MACROD2: variants seen among roughly 807,000 people sequenced by gnomAD.
MACROD2 encodes mono-ADP ribosylhydrolase 2, also known as ADP-ribose glycohydrolase MACROD2.
A neutral mutation model predicts 70.4 loss-of-function variants in MACROD2; 36 were observed. The ratio of observed to expected loss-of-function variants is 0.51; its 90% confidence interval spans 0.39 to 0.68. The LOEUF is 0.68. Ranked by LOEUF, MACROD2 falls within the 30% of genes least tolerant of loss-of-function variation. MACROD2 has a pLI of 0.00. For synonymous variants in MACROD2, 172 were observed against 178.8 expected, an observed-to-expected ratio of 0.96 and a Z score of 0.30; for missense variants, 496 against 538.4, an observed-to-expected ratio of 0.92 and a Z score of 0.78.
At chr20:13,997,406 T>C (rs910617729) in intron 1 of MACROD2, among the ~76,000 whole-genome samples, 2 of 152,212 alleles carry the variant, frequency 1.3e-5, no homozygotes, top group Non-Finnish European at 2.9e-5. Flanking sequence ...AAATGTTCGC[T>C]TTGTATAATT....
chr20:15,659,778 A>T (rs1007839803), intron 8 of MACROD2, among the ~76,000 whole-genome samples: 1 of 152,140 alleles, frequency 6.6e-6, no homozygotes, highest in African/African-American at 2.4e-5. Context: ...GCAAATGCTC[A>T]GCCTCAGATG....
chr20:15,104,190 G>T (rs968350784), intron 5 of MACROD2, among the ~76,000 whole-genome samples: 1 of 152,096 alleles, frequency 6.6e-6, no homozygotes, highest in African/African-American at 2.4e-5. Flanking sequence ...CTCTTGGGAC[G>T]GAACTGAAAG....
chr20:15,395,376 T>C (rs2045847107), intron 6 of MACROD2, among the ~76,000 whole-genome samples: 1 of 152,256 alleles, frequency 6.6e-6, no homozygotes, highest in Non-Finnish European at 1.5e-5. Flanking sequence ...ACAAAAATTA[T>C]TTTTCTTTTT....
intron 8 of MACROD2, among the ~76,000 whole-genome samples, chr20:15,767,717 T>G (rs1315795354): frequency 6.6e-6 from 1 of 152,214 alleles, no homozygotes; most frequent in Admixed American, 6.5e-5. Context: ...TCAAGTACCT[T>G]GTATTCATTG....
At chr20:14,301,224 T>G (rs1028742914) in intron 3 of MACROD2, among the ~76,000 whole-genome samples, 1 of 152,174 alleles carries the variant, frequency 6.6e-6, no homozygotes, top group East Asian at 1.9e-4. Context: ...TCATGCTGCC[T>G]CTTCTTGAGT....
chr20:14,711,890 T>G (rs2071343117), intron 5 of MACROD2, among the ~76,000 whole-genome samples: 1 of 152,210 alleles, frequency 6.6e-6, no homozygotes, highest in Non-Finnish European at 1.5e-5. Flanking sequence ...TTCATTCTAA[T>G]AGGAATCGCC....
chr20:14,338,626 T>G (rs2082978594), intron 3 of MACROD2, among the ~76,000 whole-genome samples: 1 of 152,180 alleles, frequency 6.6e-6, no homozygotes, highest in African/African-American at 2.4e-5. Context: ...ATATTTTCCT[T>G]TCTAAATGTT....
intron 13 of MACROD2, among the ~76,000 whole-genome samples, chr20:15,986,169 T>C (rs532006583): frequency 8.5e-5 from 13 of 152,360 alleles, no homozygotes; most frequent in Admixed American, 6.5e-4. Context: ...TTGGTTTTAC[T>C]TCCTTGTTTT....
At chr20:14,597,820 T>A (rs1037086585) in intron 4 of MACROD2, among the ~76,000 whole-genome samples, 2 of 152,140 alleles carry the variant, frequency 1.3e-5, no homozygotes, top group African/African-American at 4.8e-5. Context: ...TAGAGTTGTT[T>A]GCAATAATTA....
chr20:15,893,634 A>C (rs1302090801), intron 10 of MACROD2: 1 of 444,312 alleles, frequency 2.3e-6, no homozygotes, highest in South Asian at 1.6e-5. Context: ...TGTGAACCTC[A>C]AACCTAAGAG....
intron 5 of MACROD2, among the ~76,000 whole-genome samples, chr20:15,153,093 G>A (rs1392560815): frequency 3.9e-5 from 6 of 152,102 alleles, no homozygotes; most frequent in Non-Finnish European, 7.3e-5. Context: ...CAAAGAGCAG[G>A]AGGACAGGGG....
intron 4 of MACROD2, among the ~76,000 whole-genome samples, chr20:14,500,128 G>A (rs2084900171): frequency 6.6e-6 from 1 of 152,170 alleles, no homozygotes; most frequent in Admixed American, 6.5e-5. Flanking sequence ...CCTACTCTTT[G>A]CTGTAGAGAT....
At chr20:14,245,362 CA>C (rs11477339) in intron 3 of MACROD2, among the ~76,000 whole-genome samples, 87,294 of 129,866 alleles carry the variant, frequency 0.67, 27,819 homozygotes, top group East Asian at 0.82. Context: ...GACTTCGTCT[CA>C]AAAAAAAAAA....
chr20:15,165,193 C>A (rs6043121), intron 5 of MACROD2, among the ~76,000 whole-genome samples: 1 of 152,156 alleles, frequency 6.6e-6, no homozygotes, highest in Admixed American at 6.5e-5. Context: ...CGGTGGCTTA[C>A]GCCTGTAATC....
intron 8 of MACROD2, among the ~76,000 whole-genome samples, chr20:15,840,035 A>C (rs532467389): frequency 1.3e-5 from 2 of 152,136 alleles, no homozygotes; most frequent in Non-Finnish European, 1.5e-5. Flanking sequence ...AAAAATAGAA[A>C]CTGATAAATG....
chr20:15,199,472 G>A (rs888376950), intron 5 of MACROD2, among the ~76,000 whole-genome samples: 4 of 152,102 alleles, frequency 2.6e-5, no homozygotes, highest in East Asian at 1.9e-4. Context: ...GCAAAATGAC[G>A]ATAATAATGA....
chr20:14,466,030 A>G (rs1188073606), intron 3 of MACROD2, among the ~76,000 whole-genome samples: 1 of 151,942 alleles, frequency 6.6e-6, no homozygotes, highest in Non-Finnish European at 1.5e-5. Flanking sequence ...GCTCTTCTCG[A>G]GGAATATCTT....
chr20:15,866,205 G>T (rs80290803), intron 9 of MACROD2, among the ~76,000 whole-genome samples: 1 of 152,130 alleles, frequency 6.6e-6, no homozygotes, highest in Non-Finnish European at 1.5e-5. Context: ...GGGCAACATA[G>T]CAAGAACTTG....
chr20:15,021,339 T>C (rs1317008438), intron 5 of MACROD2, among the ~76,000 whole-genome samples: 1 of 130,258 alleles, frequency 7.7e-6, no homozygotes, highest in African/African-American at 2.9e-5. Context: ...TGTGTGTATG[T>C]ATACACACAG....
Sources: gnomAD v4.1 joint callset for allele counts (sites outside exome capture counted in the v4.1 genomes callset) on GRCh38, gnomAD v4.1.1 for gene constraint, MANE v1.5 for transcripts, NCBI Gene and HGNC (gene_info 2026-07-23, HGNC 2026-07-21) for gene names.